ARHGAP28: variants seen among roughly 807,000 people sequenced by gnomAD.
The protein encoded by ARHGAP28 is rho GTPase-activating protein 28.
In ARHGAP28, 56 loss-of-function variants were observed where a neutral mutation model predicts 90.7. The observed-to-expected ratio is 0.62, with a 90% confidence interval of 0.50 to 0.77. The LOEUF (loss-of-function observed/expected upper bound fraction) is 0.77, where lower values mean the gene tolerates loss of function less well. ARHGAP28 is among the 30% of genes least tolerant of loss of function. The pLI is 0.00. For synonymous variants in ARHGAP28, 308 were observed against 323.3 expected (o/e 0.95, Z 0.51); for missense variants, 869 against 900.9 (o/e 0.96, Z 0.45).
chr18:6,794,811 T>C (rs1181150036), intron 1 of ARHGAP28, among the ~76,000 whole-genome samples: 1 of 151,998 alleles, frequency 6.6e-6, no homozygotes, highest in Non-Finnish European at 1.5e-5. Flanking sequence ...ACCTCCAAAA[T>C]AGCTGGGATG....
chr18:6,775,218 A>G (rs2056274306), intron 1 of ARHGAP28, among the ~76,000 whole-genome samples: 1 of 152,136 alleles, frequency 6.6e-6, no homozygotes, highest in African/African-American at 2.4e-5. Flanking sequence ...AGGAGCGTTA[A>G]GAGAGGTGGT....
At chr18:6,881,358 A>T (rs978047914) in intron 10 of ARHGAP28, among the ~76,000 whole-genome samples, 1 of 152,232 alleles carries the variant, frequency 6.6e-6, no homozygotes, top group African/African-American at 2.4e-5. Flanking sequence ...GAGACTGACT[A>T]TAACTGCTGG....
intron 3 of ARHGAP28, among the ~76,000 whole-genome samples, chr18:6,839,732 T>C (rs1214498205): frequency 6.6e-6 from 1 of 152,168 alleles, no homozygotes; most frequent in Non-Finnish European, 1.5e-5. Context: ...TCTTCGAGAT[T>C]TATTGACAAA....
intron 1 of ARHGAP28, among the ~76,000 whole-genome samples, chr18:6,769,766 T>G (rs1455207375): frequency 6.6e-6 from 1 of 152,224 alleles, no homozygotes; most frequent in Non-Finnish European, 1.5e-5. Context: ...TATGTCTATC[T>G]TCGTAGTTTA....
chr18:6,873,924 C>T (rs2057110575), intron 9 of ARHGAP28, 149 bp downstream of exon 9: 2 of 711,702 alleles, frequency 2.8e-6, no homozygotes, highest in African/African-American at 1.8e-5. Context: ...AGCTTTATTC[C>T]ATGCACCGCA....
intron 4 of ARHGAP28, among the ~76,000 whole-genome samples, chr18:6,853,404 G>A (rs754648059): frequency 1.3e-5 from 2 of 151,920 alleles, no homozygotes; most frequent in Admixed American, 1.3e-4. Context: ...ATAAAACCTA[G>A]GTCTCCACAG....
intron 7 of ARHGAP28, among the ~76,000 whole-genome samples, chr18:6,871,618 CA>C (rs1213722288): frequency 6.6e-6 from 1 of 152,176 alleles, no homozygotes; most frequent in African/African-American, 2.4e-5. Flanking sequence ...GTCTGTTTGC[CA>C]TTCAACCAAT....
rs1255435419 is a variant in ARHGAP28, at chr18:6,882,118, T to G, written c.1291-19T>G. On this transcript the variant is annotated intron_variant, in intron 10 of 17. Transcript: ENST00000383472. ...TGGTAAAAGTGCATTGAATACTGAC[T>G]GTTTTCCTTGATTTACAGCAATACC... The G allele has an allele frequency of 3.1e-6, 5 of 1,603,762 alleles. No homozygotes were observed. Among genetic ancestry groups the G allele is most frequent in the African/African-American group, 1.3e-5 (1 of 74,648 alleles).
chr18:6,870,416 G>A (rs2057074275), intron 6 of ARHGAP28, among the ~76,000 whole-genome samples, 174 bp from the exon 7 acceptor site: 1 of 152,180 alleles, frequency 6.6e-6, no homozygotes, highest in Non-Finnish European at 1.5e-5. Flanking sequence ...TCTGTGATGC[G>A]ACACTGTTGT....
chr18:6,746,100 G>C (rs1336583533), intron 1 of ARHGAP28, among the ~76,000 whole-genome samples: 1 of 152,126 alleles, frequency 6.6e-6, no homozygotes, highest in African/African-American at 2.4e-5. Context: ...AGTGATCCAC[G>C]AAGGGATCAT....
chr18:6,742,000 T>C (rs2055981777), intron 1 of ARHGAP28, among the ~76,000 whole-genome samples: 1 of 152,094 alleles, frequency 6.6e-6, no homozygotes, highest in South Asian at 2.1e-4. Flanking sequence ...ATGAAGTAGC[T>C]TAAGTAAAGC....
chr18:6,850,972 A>C (rs1472051876), intron 3 of ARHGAP28, 62 bp from the exon 4 acceptor site: 8 of 1,596,392 alleles, frequency 5.0e-6, no homozygotes, highest in Non-Finnish European at 6.9e-6. Flanking sequence ...TGCATGTGTG[A>C]ATACGCAGTC....
chr18:6,844,032 A>G (rs2056847328), intron 3 of ARHGAP28, among the ~76,000 whole-genome samples: 1 of 152,176 alleles, frequency 6.6e-6, no homozygotes, highest in Admixed American at 6.5e-5. Context: ...CAACATTCAT[A>G]AGATCTGAAT....
intron 3 of ARHGAP28, among the ~76,000 whole-genome samples, chr18:6,838,450 C>A (rs887160049): frequency 6.6e-6 from 1 of 152,146 alleles, no homozygotes; most frequent in Admixed American, 6.6e-5. Flanking sequence ...TGGGTAGTTG[C>A]CAAGGCGGCT....
chr18:6,784,415 G>A (rs746012772), intron 1 of ARHGAP28, among the ~76,000 whole-genome samples: 9 of 152,174 alleles, frequency 5.9e-5, no homozygotes, highest in Admixed American at 1.3e-4. Flanking sequence ...GAATGTAATC[G>A]CTTTCATTTC....
chr18:6,762,278 C>T (rs757709309), intron 1 of ARHGAP28, among the ~76,000 whole-genome samples: 1 of 151,946 alleles, frequency 6.6e-6, no homozygotes, highest in Non-Finnish European at 1.5e-5. Context: ...ACACACACAC[C>T]CTACTTGAAA....
At chr18:6,853,901 T>C (rs113091176) in intron 4 of ARHGAP28, among the ~76,000 whole-genome samples, 78 of 152,282 alleles carry the variant, frequency 5.1e-4, no homozygotes, top group African/African-American at 1.9e-3. Flanking sequence ...CTAAAATGTA[T>C]AAAAGTAGGC....
rs1295597238 is a variant in ARHGAP28, at chr18:6,824,972, G to A, written c.325+8G>A. 5.2e-6 allele frequency: 8 copies of A among 1,526,822 alleles called. No homozygotes were observed. Among genetic ancestry groups the A allele is most frequent in the Non-Finnish European group, 7.0e-6 (8 of 1,142,134 alleles). 94.6% of individuals were successfully genotyped at this position (1,526,822 alleles called of 1,614,324 possible). ...AGGTCACACCTGTGGATGGTAAGTTGCTGGATTTGTCTTCCTATGTGCTGA... is the reference window on the plus strand; with the variant it reads ...AGGTCACACCTGTGGATGGTAAGTTACTGGATTTGTCTTCCTATGTGCTGA... On this transcript the variant is annotated splice_region_variant and intron_variant, in intron 2 of 17. Coordinates refer to ENST00000383472, the MANE Select transcript of ARHGAP28 (RefSeq NM_001366230.1).
chr18:6,818,990 G>A (rs931843258), intron 1 of ARHGAP28, among the ~76,000 whole-genome samples: 3 of 152,184 alleles, frequency 2.0e-5, no homozygotes, highest in African/African-American at 4.8e-5. Context: ...GCAATGAGAC[G>A]TACAATACTG....
Sources: allele counts gnomAD v4.1 joint callset (sites outside exome capture counted in the v4.1 genomes callset), GRCh38; gene constraint gnomAD v4.1.1; transcripts MANE v1.5; gene names NCBI Gene and HGNC (gene_info 2026-07-23, HGNC 2026-07-21).